P3H2: variants seen among roughly 807,000 people sequenced by gnomAD.
The protein encoded by P3H2 is prolyl 3-hydroxylase 2, also known as leprecan-like 1.
In P3H2, 80 loss-of-function variants were observed where a neutral mutation model predicts 87.0. That is an observed-to-expected ratio of 0.92 (90% CI 0.77 to 1.11). The LOEUF is 1.11. Among genes scored for constraint, P3H2 ranks in the 50% least tolerant of loss-of-function variants. The pLI is 0.00. For synonymous variants in P3H2, 367 were observed against 359.3 expected, an observed-to-expected ratio of 1.02 and a Z score of -0.24; for missense variants, 1,001 against 923.9, an observed-to-expected ratio of 1.08 and a Z score of -1.08.
At chr3:189,974,919 T>C (rs1322597308) in intron 8 of P3H2, among the ~76,000 whole-genome samples, 2 of 152,326 alleles carry the variant, frequency 1.3e-5, no homozygotes, top group South Asian at 2.1e-4. Context: ...CGTACATTAT[T>C]TTGGGAGAGA....
At chr3:190,019,562 A>AGGGGTCATAGGTGACTGCTGGTCCCCTCC (rs1282947383) in intron 1 of P3H2, among the ~76,000 whole-genome samples, 10 of 135,866 alleles carry the variant, frequency 7.4e-5, no homozygotes, top group South Asian at 2.6e-4. Flanking sequence ...GATGCTCATT[A>AGGGGTCATAGGTGACTGCTGGTCCCCTCC]TCGTTTCTAT....
At chr3:190,092,646 G>A (rs556148992) in intron 1 of P3H2, among the ~76,000 whole-genome samples, 1 of 152,262 alleles carries the variant, frequency 6.6e-6, no homozygotes, top group African/African-American at 2.4e-5. Flanking sequence ...GGGAAGCTGG[G>A]ATCTGAACTC....
chr3:190,119,076 G>T (rs1488091986), intron 1 of P3H2, among the ~76,000 whole-genome samples: 2 of 146,082 alleles, frequency 1.4e-5, no homozygotes, highest in Admixed American at 7.1e-5. Flanking sequence ...CTGCACTCCA[G>T]CCTGGGTGAC....
chr3:189,970,165 T>C (rs1723127193), intron 13 of P3H2, among the ~76,000 whole-genome samples: 1 of 128,296 alleles, frequency 7.8e-6, no homozygotes, highest in African/African-American at 3.0e-5. Flanking sequence ...CACAATCATA[T>C]ATCTCTCTAT....
At chr3:189,966,479 T>C (rs897480894) in intron 13 of P3H2, among the ~76,000 whole-genome samples, 3 of 152,234 alleles carry the variant, frequency 2.0e-5, no homozygotes, top group African/African-American at 7.2e-5. Context: ...TAGCCGTGGA[T>C]TCACAAGGAT....
chr3:190,025,219 G>T (rs1725051333), intron 1 of P3H2, among the ~76,000 whole-genome samples: 1 of 151,642 alleles, frequency 6.6e-6, no homozygotes, highest in African/African-American at 2.4e-5. Context: ...TGTTTCTCCA[G>T]GAATAATTTC....
chr3:190,046,779 TTTTAA>T (rs908604746), intron 1 of P3H2, among the ~76,000 whole-genome samples: 8 of 152,134 alleles, frequency 5.3e-5, no homozygotes, highest in African/African-American at 9.7e-5. Context: ...GGTAATTTAT[TTTTAA>T]TTTAATTTAA....
chr3:190,054,525 T>C (rs946132378), intron 1 of P3H2, among the ~76,000 whole-genome samples: 1 of 152,166 alleles, frequency 6.6e-6, no homozygotes, highest in Non-Finnish European at 1.5e-5. Flanking sequence ...TTTTCAGTCA[T>C]GTAAAATACC....
chr3:190,122,097 AAG>A (rs1471341295), upstream of P3H2: 4 of 148,518 alleles, frequency 2.7e-5, no homozygotes, highest in Admixed American at 1.3e-4. Flanking sequence ...AAAAAAAACA[AAG>A]AAAAAGAAAA....
chr3:190,045,149 G>C (rs1725760978), intron 1 of P3H2, among the ~76,000 whole-genome samples: 1 of 152,086 alleles, frequency 6.6e-6, no homozygotes, highest in Admixed American at 6.6e-5. Context: ...GCATCTCTGA[G>C]GAAAAGAAAA....
At chr3:189,984,316 C>CT (rs904445607) in intron 7 of P3H2, among the ~76,000 whole-genome samples, 4 of 77,218 alleles carry the variant, frequency 5.2e-5, no homozygotes, top group Non-Finnish European at 1.2e-4. Flanking sequence ...TGATTTAACC[C>CT]TTTTTTTCCT....
intron 1 of P3H2, among the ~76,000 whole-genome samples, chr3:190,080,473 T>G (rs971481766): frequency 1.3e-5 from 2 of 152,160 alleles, no homozygotes; most frequent in African/African-American, 2.4e-5. Flanking sequence ...TGACCTTGGC[T>G]CACCGCAACC....
chr3:190,112,289 A>G (rs1313126599), intron 1 of P3H2, among the ~76,000 whole-genome samples: 1 of 152,188 alleles, frequency 6.6e-6, no homozygotes, highest in Non-Finnish European at 1.5e-5. Flanking sequence ...ATAAAATGCA[A>G]TGGTTGCAGT....
At position 190,042,428 on chromosome 3, in the gene P3H2, T is replaced by TTG. The variant is rs58506083; in HGVS notation, c.481-46988_481-46987dup. Among the ~76,000 whole-genome samples the TTG allele has an allele frequency of 8.8e-4, 132 of 150,814 alleles. 1 individual carries two copies. Among genetic ancestry groups the TTG allele is most frequent in the East Asian group, 3.5e-3 (18 of 5,102 alleles). Reference sequence around the variant, plus strand: ...AAGAACTTCATTGTCTTGTAAGATTTTGTGTGTGTGTGTGTGTGTGTGTGT... The same window carrying TTG: ...AAGAACTTCATTGTCTTGTAAGATTTTGTGTGTGTGTGTGTGTGTGTGTGTGT... On this transcript the variant is annotated intron_variant, in intron 1 of 14. Coordinates refer to ENST00000319332, the MANE Select transcript of P3H2 (RefSeq NM_018192.4).
At chr3:189,966,837 T>C (rs1391932512) in intron 13 of P3H2, among the ~76,000 whole-genome samples, 1 of 152,236 alleles carries the variant, frequency 6.6e-6, no homozygotes, top group Non-Finnish European at 1.5e-5. Flanking sequence ...AATAATCCTT[T>C]TGCTTTCCGT....
Position 190,078,218 on chromosome 3 carries a change from T to C in P3H2, c.480+42034A>G, listed in dbSNP as rs574021516. On this transcript the variant is annotated intron_variant, in intron 1 of 14. Coordinates refer to ENST00000319332, the MANE Select transcript of P3H2 (RefSeq NM_018192.4). ...GTAAGCTCCACTAATCCAAAAATTA[T>C]GTCTGTTTGTATTATTTTTTACTTA... 3.3e-4 allele frequency among the ~76,000 whole-genome samples: 51 copies of C among 152,338 alleles called. 1 individual carries two copies. Among genetic ancestry groups the C allele is most frequent in the African/African-American group, 1.2e-3 (49 of 41,572 alleles).
intron 1 of P3H2, among the ~76,000 whole-genome samples, chr3:190,081,918 T>G (rs1727056026): frequency 6.6e-6 from 1 of 152,198 alleles, no homozygotes; most frequent in East Asian, 1.9e-4. Context: ...ACATCAAACT[T>G]AAGGCATTCA....
chr3:189,973,195 A>C (rs1723230775), intron 10 of P3H2, 171 bp from the exon 11 acceptor site: 1 of 613,868 alleles, frequency 1.6e-6, no homozygotes, highest in South Asian at 2.1e-5. Flanking sequence ...CATTGGAATA[A>C]ACTCTTCCCA....
intron 6 of P3H2, among the ~76,000 whole-genome samples, 194 bp downstream of exon 6, chr3:189,986,590 AAAAT>A (rs569382938): frequency 3.9e-5 from 6 of 152,126 alleles, no homozygotes; most frequent in Admixed American, 6.5e-5. Context: ...ACTCCATCTC[AAAAT>A]AAATAAATAA....
Sources: gnomAD v4.1 joint callset for allele counts (sites outside exome capture counted in the v4.1 genomes callset) on GRCh38, gnomAD v4.1.1 for gene constraint, MANE v1.5 for transcripts, NCBI Gene and HGNC (gene_info 2026-07-23, HGNC 2026-07-21) for gene names.